The following ZNF837 variants were observed in gnomAD, a reference collection of about 807,000 sequenced individuals.
ZNF837 encodes the protein zinc finger protein 837.
For missense variants in ZNF837, 955 were observed against 801.7 expected (o/e 1.19, Z -2.31); for synonymous variants, 475 against 365.2 (o/e 1.30, Z -3.43).
At chr19:58,380,738 G>C (rs1052841781) in intron 1 of ZNF837, among the ~76,000 whole-genome samples, 14 of 152,224 alleles carry the variant, frequency 9.2e-5, no homozygotes, top group African/African-American at 3.1e-4. Context: ...ACAGAAGCCC[G>C]TCCCGCCCGG....
At chr19:58,371,400 T>C (rs59401383) in intron 1 of ZNF837, among the ~76,000 whole-genome samples, 16,338 of 152,164 alleles carry the variant, frequency 0.11, 1,076 homozygotes, top group East Asian at 0.34. Flanking sequence ...AGAGCGAGAC[T>C]CCGTCTCAAA....
chr19:58,374,389 A>G (rs772688914), intron 1 of ZNF837, among the ~76,000 whole-genome samples: 1 of 152,258 alleles, frequency 6.6e-6, no homozygotes, highest in Non-Finnish European at 1.5e-5. Flanking sequence ...ATACTGCAAC[A>G]TGGACTTTAG....
chr19:58,373,370 TTC>T (rs1213808148), intron 1 of ZNF837, among the ~76,000 whole-genome samples: 2 of 152,218 alleles, frequency 1.3e-5, no homozygotes, highest in African/African-American at 4.8e-5. Context: ...AGTAAGGAAC[TTC>T]TCTGAGTACG....
In ZNF837 at chr19:58,367,897, T is replaced by G; in HGVS notation, c.1436A>C (p.Asp479Ala). 6.5e-7 allele frequency: 1 copy of G among 1,534,710 alleles called. No individual in the cohort carries two copies. Among genetic ancestry groups the G allele is most frequent in the Non-Finnish European group, 8.7e-7 (1 of 1,144,064 alleles). ...HSGEKPYICRDCGKAFVRNCS... is the reference protein window; with the variant it reads ...HSGEKPYICRACGKAFVRNCS... ...GTTGCGCACGAAGGCCTTGCCGCAG[T>G]CGCGGCAGATGTAGGGCTTCTCGCC... The change falls in exon 3 of 3, where the codon GAC (aspartate) becomes GCC (alanine). Residue 479 changes from aspartate to alanine, a missense_variant. Asp to Ala is a moderately radical substitution (Grantham distance 126). Coordinates refer to ENST00000597582, the MANE Select transcript of ZNF837 (RefSeq NM_138466.2).
chr19:58,377,613 G>A (rs2052259942), intron 1 of ZNF837, among the ~76,000 whole-genome samples: 1 of 152,148 alleles, frequency 6.6e-6, no homozygotes, highest in African/African-American at 2.4e-5. Flanking sequence ...ACGCCAGCCT[G>A]GGCAACACAG....
chr19:58,372,135 A>G (rs1434584538), intron 1 of ZNF837, among the ~76,000 whole-genome samples: 1 of 150,790 alleles, frequency 6.6e-6, no homozygotes, highest in East Asian at 2.0e-4. Flanking sequence ...GCTCACCGCA[A>G]CCTCCGCCTC....
intron 1 of ZNF837, among the ~76,000 whole-genome samples, chr19:58,379,172 T>G (rs971718851): frequency 5.9e-5 from 9 of 152,160 alleles, no homozygotes; most frequent in African/African-American, 2.2e-4. Context: ...AACAGAGGGT[T>G]GGGGAAGCTG....
chr19:58,368,892 G>A lies in ZNF837; in HGVS notation c.441C>T (p.Pro147=), dbSNP rs112147249. 86 of 1,548,214 alleles carry A rather than the reference G, an allele frequency of 5.6e-5. 1 individual carries two copies. In the South Asian group the frequency reaches 9.0e-4, roughly 16 times the overall value. The change falls in exon 3 of 3, where the codon CCC becomes CCT. Residue 147 remains proline, a synonymous_variant. Coordinates refer to ENST00000597582, the MANE Select transcript of ZNF837 (RefSeq NM_138466.2). The part of the protein sequence containing the change: ...PAGETPPVCD[P]CPERIQNHPR... ...GGTGGTTCTGGATCCGCTCCGGACA[G>A]GGGTCACACACGGGTGGCGTCTCCC...
rs1403558191 is a variant in ZNF837 at position 58,367,698 on chromosome 19, G to A, written c.*39C>T. ...GACAAAGGCCCCTCCTCGACGCAGG[G>A]TTCGCTTGGGCGACGCGTCGACTCT... On this transcript the variant is annotated 3_prime_UTR_variant, in exon 3 of 3. Coordinates refer to ENST00000597582, the MANE Select transcript of ZNF837 (RefSeq NM_138466.2). The A allele has an allele frequency of 2.0e-6, 3 of 1,463,612 alleles. No individual in the cohort carries two copies. The highest frequency in any genetic ancestry group is 2.5e-5 in the East Asian group (1 of 39,642). The allele number at this position is 1,463,612 out of a possible 1,614,324, so 90.7% of individuals were successfully genotyped here.
chr19:58,371,213 C>T (rs1292683468), intron 1 of ZNF837, among the ~76,000 whole-genome samples: 3 of 147,686 alleles, frequency 2.0e-5, no homozygotes, highest in Admixed American at 7.1e-5. Flanking sequence ...TGCACTCCAG[C>T]CTGGGCGACA....
chr19:58,375,644 C>T (rs1383019974), intron 1 of ZNF837, among the ~76,000 whole-genome samples: 1 of 151,398 alleles, frequency 6.6e-6, no homozygotes, highest in African/African-American at 2.4e-5. Context: ...GATGGGATTT[C>T]ACCATGTTGG....
intron 2 of ZNF837, 37 bp from the exon 3 acceptor site, chr19:58,369,398 C>T: frequency 7.6e-7 from 1 of 1,314,132 alleles, no homozygotes; most frequent in Non-Finnish European, 9.7e-7. Context: ...TTGGCGGTTC[C>T]CAGGAGGAGA....
In ZNF837 at chr19:58,368,756, A is replaced by C; in HGVS notation, c.577T>G (p.Leu193Val). 1.3e-6 allele frequency: 2 copies of C among 1,540,420 alleles called. No homozygotes were observed. Among genetic ancestry groups the C allele is most frequent in the Non-Finnish European group, 1.7e-6 (2 of 1,146,576 alleles). The change falls in exon 3 of 3, where the codon TTG becomes GTG. Residue 193 changes from leucine (L) to valine (V), a missense_variant. By Grantham distance (32) the Leu-to-Val change is conservative. Transcript: ENST00000597582. ...PKPTSRGRNP[L>V]VEQPRACACG... ...GCGCAAGCCCGGGGCTGCTCCACCA[A>C]GGGGTTCCTCCCGCGGGAGGTCGGC...
rs1221267915 is a variant in ZNF837 at position 58,368,173 on chromosome 19, C to T, written c.1160G>A (p.Gly387Asp). 6.3e-7 allele frequency: 1 copy of T among 1,585,414 alleles called. No individual in the cohort carries two copies. The highest frequency in any genetic ancestry group is 8.6e-7 in the Non-Finnish European group (1 of 1,167,824). Residue 387 changes from glycine (G) to aspartate (D), a missense_variant, in exon 3 of 3, where the codon GGC (glycine) becomes GAC (aspartate). By Grantham distance (94) the Gly-to-Asp change is moderately conservative. Coordinates refer to ENST00000597582, the MANE Select transcript of ZNF837 (RefSeq NM_138466.2). ...CTCGGGGCACGCGTAGGGCTTCTCG[C>T]CGGTGTGCACGCGCCGGTGCTCCAC... is the stretch of plus-strand genomic sequence containing the variant. ...HLVEHRRVHT[G>D]EKPYACPECG...
rs891611955 is a variant in ZNF837 at position 58,369,211 on chromosome 19, C to T, written c.122G>A (p.Gly41Glu). The change falls in exon 3 of 3, where the codon GGG becomes GAG. Residue 41 changes from glycine (G) to glutamate (E), a missense_variant. Coordinates refer to ENST00000597582, the MANE Select transcript of ZNF837 (RefSeq NM_138466.2). ...EPRPLEEDRAGSRPTQKGDLR... is the reference protein window; with the variant it reads ...EPRPLEEDRAESRPTQKGDLR... Reference sequence around the variant, plus strand: ...GTCCCCCTTTTGAGTGGGGCGGCTCCCAGCTCGGTCCTCTTCGAGGGGCCT... The same window carrying T: ...GTCCCCCTTTTGAGTGGGGCGGCTCTCAGCTCGGTCCTCTTCGAGGGGCCT... 19 of 1,441,338 alleles carry T rather than the reference C, an allele frequency of 1.3e-5. No homozygotes were observed. In the African/African-American group the frequency reaches 2.1e-4, roughly 16 times the overall value. The allele number at this position is 1,441,338 out of a possible 1,614,324, so 89.3% of individuals were successfully genotyped here. A position where few individuals can be genotyped will look rare whatever the true frequency, so the allele number is the denominator to read the frequency against.
In ZNF837 at chr19:58,373,424, G is replaced by A. The variant is rs551341644; in HGVS notation, c.-139-3496C>T. ...GCTGAACACCAGCATGCTTTGCCCCGTGGCCTGGACTGTGCACAGGGCACC... is the reference window on the plus strand; with the variant it reads ...GCTGAACACCAGCATGCTTTGCCCCATGGCCTGGACTGTGCACAGGGCACC... On this transcript the variant is annotated intron_variant, in intron 1 of 2. Coordinates refer to ENST00000597582, the MANE Select transcript of ZNF837 (RefSeq NM_138466.2). Among the ~76,000 whole-genome samples the A allele has an allele frequency of 1.2e-4, 18 of 152,290 alleles. No individual in the cohort carries two copies. The South Asian group carries it at 2.1e-3, about 18-fold the overall frequency.
intron 1 of ZNF837, among the ~76,000 whole-genome samples, 195 bp downstream of exon 1, chr19:58,380,746 C>T (rs891499911): frequency 6.6e-6 from 1 of 152,220 alleles, no homozygotes; most frequent in Non-Finnish European, 1.5e-5. Flanking sequence ...CCGTCCCGCC[C>T]GGAACTCAAG....
In ZNF837 at chr19:58,369,235, C is replaced by T. The variant is rs1403583892; in HGVS notation, c.98G>A (p.Arg33Lys). ...CCCAGCTCGGTCCTCTTCGAGGGGC[C>T]TCGGCTCCTCGGGCCTCTTCTCCCG... Reference protein sequence around the residue: ...GAREKRPEEPRPLEEDRAGSR... With the variant: ...GAREKRPEEPKPLEEDRAGSR... The change falls in exon 3 of 3, where the codon AGG (arginine) becomes AAG (lysine). Residue 33 changes from arginine to lysine, a missense_variant. Arg to Lys is a conservative substitution (Grantham distance 26). Coordinates refer to ENST00000597582, the MANE Select transcript of ZNF837 (RefSeq NM_138466.2). 4.9e-6 allele frequency: 7 copies of T among 1,424,908 alleles called. No individual in the cohort carries two copies. Among genetic ancestry groups the T allele is most frequent in the Non-Finnish European group, 6.4e-6 (7 of 1,093,114 alleles). The allele number at this position is 1,424,908 out of a possible 1,614,324, so 88.3% of individuals were successfully genotyped here. A position where few individuals can be genotyped will look rare whatever the true frequency, so the allele number is the denominator to read the frequency against.
chr19:58,370,157 G>A (rs1026437088), intron 1 of ZNF837, among the ~76,000 whole-genome samples: 2 of 152,216 alleles, frequency 1.3e-5, no homozygotes, highest in South Asian at 4.1e-4. Context: ...TCTGGAGGTC[G>A]TAAGTCCTAA....
Sources: gnomAD v4.1 joint callset for allele counts (sites outside exome capture counted in the v4.1 genomes callset) on GRCh38, gnomAD v4.1.1 for gene constraint, MANE v1.5 for transcripts, NCBI Gene and HGNC (gene_info 2026-07-23, HGNC 2026-07-21) for gene names.